MTHFD1L: variants seen among roughly 807,000 people sequenced by gnomAD.
The protein encoded by MTHFD1L is methylenetetrahydrofolate dehydrogenase (NADP+ dependent) 1 like.
Under a neutral mutation model 119.5 loss-of-function variants are expected in MTHFD1L, and 81 were observed. The ratio of observed to expected loss-of-function variants is 0.68; its 90% CI spans 0.57 to 0.82. MTHFD1L has a LOEUF of 0.82. Ranked by LOEUF, MTHFD1L falls within the 40% of genes least tolerant of loss-of-function variation. The probability of loss-of-function intolerance (pLI) is 0.00; values close to 1 mark genes in which losing one functional copy is unlikely to be tolerated. For synonymous variants in MTHFD1L, 430 were observed against 475.2 expected (o/e 0.90, Z 1.24); for missense variants, 1,125 against 1,253.4 (o/e 0.90, Z 1.55).
At chr6:151,046,473 A>G (rs12181306) in intron 26 of MTHFD1L, among the ~76,000 whole-genome samples, 914 of 5,788 alleles carry the variant, frequency 0.16, 2 homozygotes, top group Non-Finnish European at 0.24. Flanking sequence ...GTGTGTGTGT[A>G]TATATATATA....
intron 24 of MTHFD1L, among the ~76,000 whole-genome samples, chr6:151,030,391 A>G (rs1371832082): frequency 6.6e-6 from 1 of 152,206 alleles, no homozygotes; most frequent in East Asian, 1.9e-4. Flanking sequence ...TGCCCGGAGA[A>G]CACACCCTTC....
chr6:150,948,207 A>G (rs913976323), intron 15 of MTHFD1L, among the ~76,000 whole-genome samples: 2 of 151,552 alleles, frequency 1.3e-5, no homozygotes, highest in African/African-American at 2.4e-5. Context: ...GAGTTTCTCC[A>G]TGTTGGTCAG....
chr6:151,087,673 T>G (rs1335224657), intron 26 of MTHFD1L, among the ~76,000 whole-genome samples: 1 of 152,248 alleles, frequency 6.6e-6, no homozygotes, highest in East Asian at 1.9e-4. Flanking sequence ...TTTTTCAGCT[T>G]ATACCAAGGA....
intron 1 of MTHFD1L, among the ~76,000 whole-genome samples, chr6:150,866,894 T>G (rs1220467095): frequency 6.6e-6 from 1 of 152,130 alleles, no homozygotes; most frequent in Non-Finnish European, 1.5e-5. Context: ...CGGGACAACT[T>G]GGGGGTGGCA....
chr6:150,900,891 T>C (rs1053535308), intron 7 of MTHFD1L, among the ~76,000 whole-genome samples: 20 of 151,636 alleles, frequency 1.3e-4, no homozygotes, highest in African/African-American at 4.6e-4. Flanking sequence ...GGCAGGTGCC[T>C]GTAGTCCCAG....
intron 17 of MTHFD1L, among the ~76,000 whole-genome samples, chr6:150,960,005 G>A (rs950965293): frequency 4.6e-5 from 7 of 152,318 alleles, no homozygotes; most frequent in African/African-American, 1.4e-4. Flanking sequence ...TGCTGTGAGC[G>A]GGTGTAACAG....
chr6:150,887,985 A>C lies in MTHFD1L; in HGVS notation c.780+4A>C, dbSNP rs560997617. The C allele has an allele frequency of 1.3e-6, 2 of 1,596,038 alleles. No homozygotes were observed. Among genetic ancestry groups the C allele is most frequent in the South Asian group, 2.3e-5 (2 of 86,624 alleles). ...AACACGCCAGCTTCAAAGCAAGGTA[A>C]ATTTCATGTTAGAAACATACATCTT... On this transcript the variant is annotated splice_donor_region_variant and intron_variant, in intron 7 of 27. Transcript: ENST00000367321.
intron 19 of MTHFD1L, among the ~76,000 whole-genome samples, chr6:150,967,260 C>T (rs1183013713): frequency 1.3e-5 from 2 of 152,168 alleles, no homozygotes; most frequent in Non-Finnish European, 2.9e-5. Flanking sequence ...TTGCTGTGCC[C>T]TCCTCAGAGA....
chr6:151,001,217 C>T (rs1780574713), intron 20 of MTHFD1L, among the ~76,000 whole-genome samples: 1 of 152,080 alleles, frequency 6.6e-6, no homozygotes, highest in Admixed American at 6.6e-5. Flanking sequence ...AAGTTGCTAC[C>T]ATTGTGAAGT....
intron 26 of MTHFD1L, among the ~76,000 whole-genome samples, chr6:151,069,732 A>C (rs1791747805): frequency 6.6e-6 from 1 of 152,078 alleles, no homozygotes; most frequent in Non-Finnish European, 1.5e-5. Context: ...CCCTCATCTC[A>C]GAGCTCAGCG....
chr6:150,924,624 C>G (rs1007158167), intron 10 of MTHFD1L, among the ~76,000 whole-genome samples: 2 of 152,106 alleles, frequency 1.3e-5, no homozygotes, highest in Non-Finnish European at 2.9e-5. Context: ...CTACAGGTGC[C>G]ACCACCACAC....
chr6:150,936,984 G>C (rs768177741), intron 12 of MTHFD1L, 44 bp downstream of exon 12: 5 of 1,600,906 alleles, frequency 3.1e-6, no homozygotes, highest in Admixed American at 3.4e-5. Flanking sequence ...GCAAAGTTGG[G>C]GGGAGAGAAT....
At chr6:151,016,936 C>G (rs1401183135) in intron 24 of MTHFD1L, among the ~76,000 whole-genome samples, 1 of 151,616 alleles carries the variant, frequency 6.6e-6, no homozygotes, top group African/African-American at 2.4e-5. Context: ...GCGTGCCTGG[C>G]TAATTTCTTT....
chr6:151,033,330 C>T (rs920505038), intron 24 of MTHFD1L, among the ~76,000 whole-genome samples: 63 of 152,088 alleles, frequency 4.1e-4, no homozygotes, highest in Middle Eastern at 3.4e-3. Flanking sequence ...ATGTTGGCCA[C>T]GCTGATCTTG....
At chr6:150,955,387 TC>T (rs1259249353) in intron 16 of MTHFD1L, among the ~76,000 whole-genome samples, 1 of 152,160 alleles carries the variant, frequency 6.6e-6, no homozygotes, top group Non-Finnish European at 1.5e-5. Context: ...GGTCGCTTCC[TC>T]CTTTTGACTA....
intron 19 of MTHFD1L, among the ~76,000 whole-genome samples, chr6:150,969,249 T>G (rs975792425): frequency 6.6e-6 from 1 of 152,228 alleles, no homozygotes; most frequent in Non-Finnish European, 1.5e-5. Flanking sequence ...CTCAAAGTAC[T>G]GGGATTATAG....
intron 20 of MTHFD1L, among the ~76,000 whole-genome samples, chr6:151,006,035 A>G (rs531343651): frequency 6.6e-6 from 1 of 152,020 alleles, no homozygotes; most frequent in African/African-American, 2.4e-5. Context: ...CTGTTTTTTC[A>G]TTGACCTGCT....
At chr6:151,065,437 C>T (rs1048801390) in intron 26 of MTHFD1L, among the ~76,000 whole-genome samples, 3 of 152,214 alleles carry the variant, frequency 2.0e-5, no homozygotes, top group African/African-American at 7.2e-5. Flanking sequence ...AAGAGAAACT[C>T]AACTCGAGCT....
At chr6:151,084,156 G>A (rs530960443) in intron 26 of MTHFD1L, among the ~76,000 whole-genome samples, 10 of 152,132 alleles carry the variant, frequency 6.6e-5, no homozygotes, top group African/African-American at 2.4e-4. Context: ...GAGTTGCCAG[G>A]GCACCAATTT....
Sources: allele counts gnomAD v4.1 joint callset (sites outside exome capture counted in the v4.1 genomes callset), GRCh38; gene constraint gnomAD v4.1.1; transcripts MANE v1.5; gene names NCBI Gene and HGNC (gene_info 2026-07-23, HGNC 2026-07-21).